Variants in ZNF570 observed in about 807,000 individuals in gnomAD.
ZNF570 encodes zinc finger protein 570.
A neutral mutation model predicts 14.2 loss-of-function variants in ZNF570; 8 were observed. The observed-to-expected ratio is 0.56, with a 90% CI of 0.33 to 1.02. ZNF570 has a LOEUF of 1.02. ZNF570 is among the 50% of genes least tolerant of loss of function. ZNF570 has a pLI of 0.03. For synonymous variants in ZNF570, 202 were observed against 207.6 expected (o/e 0.97, Z 0.23); for missense variants, 559 against 624.9 (o/e 0.89, Z 1.12).
chr19:37,470,646 C>A (rs2041942703), intron 2 of ZNF570, among the ~76,000 whole-genome samples: 1 of 151,704 alleles, frequency 6.6e-6, no homozygotes, highest in Non-Finnish European at 1.5e-5. Context: ...TCACTCAGTT[C>A]CAGCAACACT....
Position 37,485,572 on chromosome 19 carries a change from C to T in ZNF570, c.*339C>T, listed in dbSNP as rs537769694. The T allele has an allele frequency of 6.1e-5, 12 of 196,908 alleles. No homozygotes were observed. Among genetic ancestry groups the T allele is most frequent in the Admixed American group, 2.8e-4 (5 of 18,022 alleles). 12.2% of individuals were successfully genotyped at this position (196,908 alleles called of 1,614,324 possible). ...GAGTAGCTGGGACTATAGACATGCA[C>T]CACCATGCCTGGCTAATTTTTGTAT... On this transcript the variant is annotated 3_prime_UTR_variant, in exon 5 of 5. Coordinates refer to ENST00000330173, the MANE Select transcript of ZNF570 (RefSeq NM_144694.5).
chr19:37,467,988 C>T, upstream of ZNF570: 4 of 1,509,046 alleles, frequency 2.7e-6, no homozygotes, highest in Non-Finnish European at 3.6e-6. Context: ...GTAGTGTGGC[C>T]AGACCGCCTG....
chr19:37,470,658 G>C (rs919589958), intron 2 of ZNF570, among the ~76,000 whole-genome samples: 1 of 148,994 alleles, frequency 6.7e-6, no homozygotes, highest in South Asian at 2.1e-4. Context: ...AGCAACACTA[G>C]CTTCCTTGTA....
At chr19:37,472,774 G>A (rs939265874) in intron 2 of ZNF570, among the ~76,000 whole-genome samples, 1 of 150,338 alleles carries the variant, frequency 6.7e-6, no homozygotes, top group Non-Finnish European at 1.5e-5. Context: ...GGAAAGAAAT[G>A]GGTGGTAACT....
intron 2 of ZNF570, among the ~76,000 whole-genome samples, chr19:37,472,587 A>G (rs1430622704): frequency 4.6e-5 from 7 of 151,966 alleles, no homozygotes; most frequent in Non-Finnish European, 8.8e-5. Context: ...CTAAAAACAC[A>G]AAAAATTAAC....
intron 4 of ZNF570, among the ~76,000 whole-genome samples, chr19:37,480,864 C>T (rs2042079378): frequency 6.6e-6 from 1 of 151,412 alleles, no homozygotes; most frequent in South Asian, 2.1e-4. Context: ...GTGGGAGGGT[C>T]GCCTGAGCCC....
At position 37,469,462 on chromosome 19, in the gene ZNF570, AGTTCT is replaced by A; in HGVS notation, c.-140_-136del. 6.5e-7 allele frequency: 1 copy of A among 1,536,250 alleles called. No homozygotes were observed. ...CGGGGCAGGAAGGAGATCTTCCACC[AGTTCT>A]GTTCTGCAGGTCGGGAGTGGGCTGA... On this transcript the variant is annotated 5_prime_UTR_variant, in exon 1 of 5. Coordinates refer to ENST00000330173, the MANE Select transcript of ZNF570 (RefSeq NM_144694.5).
At position 37,475,991 on chromosome 19, in the gene ZNF570, G is replaced by T. The variant is rs764242045; in HGVS notation, c.144G>T (p.Arg48Ser). The change falls in exon 3 of 5, where the codon AGG (arginine) becomes AGT (serine). Residue 48 changes from arginine (R) to serine (S), a missense_variant. Coordinates refer to ENST00000330173, the MANE Select transcript of ZNF570 (RefSeq NM_144694.5). ...LYSNVMLENY[R>S]ILVSLGLCFS... ...GTAATGTGATGCTAGAGAACTACAG[G>T]ATCTTGGTATCACTGGGTAAGGATA... 8.7e-6 allele frequency: 14 copies of T among 1,611,512 alleles called. No individual in the cohort carries two copies. Among genetic ancestry groups the T allele is most frequent in the Non-Finnish European group, 1.1e-5 (13 of 1,179,078 alleles).
In ZNF570 at chr19:37,476,740, C is replaced by T. The variant is rs560314429; in HGVS notation, c.256+306C>T. 1.0e-4 allele frequency among the ~76,000 whole-genome samples: 13 copies of T among 125,978 alleles called. No homozygotes were observed. In the East Asian group the frequency reaches 2.6e-3, roughly 25 times the overall value. 82.6% of individuals were successfully genotyped at this position (125,978 alleles called of 152,430 possible). On this transcript the variant is annotated intron_variant, in intron 4 of 4. Coordinates refer to ENST00000330173, the MANE Select transcript of ZNF570 (RefSeq NM_144694.5). ...TTTTTTTTTTTTTGTGACAGAGTCT[C>T]GCTCTGTCACCCAGGCTGGAGTGCA...
intron 4 of ZNF570, among the ~76,000 whole-genome samples, chr19:37,478,082 T>G (rs2042047427): frequency 6.6e-6 from 1 of 152,208 alleles, no homozygotes. Flanking sequence ...ATATAAAGTT[T>G]AGGGTCAACT....
intron 4 of ZNF570, 141 bp from the exon 5 acceptor site, chr19:37,483,738 G>A (rs2147023029): frequency 2.6e-6 from 2 of 764,428 alleles, no homozygotes; most frequent in Middle Eastern, 3.9e-4. Flanking sequence ...TTCTCTTCTT[G>A]TACACTTCAG....
intron 2 of ZNF570, among the ~76,000 whole-genome samples, chr19:37,470,880 A>G (rs1197861535): frequency 6.7e-6 from 1 of 149,042 alleles, no homozygotes; most frequent in Non-Finnish European, 1.5e-5. Flanking sequence ...TTGTATTTTT[A>G]GTAGAGACGG....
At position 37,483,913 on chromosome 19, in the gene ZNF570, C is replaced by A. The variant is rs1201581722; in HGVS notation, c.291C>A (p.Thr97=). The A allele has an allele frequency of 6.2e-7, 1 of 1,612,324 alleles. No homozygotes were observed. Among genetic ancestry groups the A allele is most frequent in the Non-Finnish European group, 8.5e-7 (1 of 1,179,568 alleles). ...CTATATGTGAGACTGAAGAATTAAC[C>A]CCAAAGCAGGATTTTTATGAAGAAC... is the stretch of plus-strand genomic sequence containing the variant. ...WEPICETEEL[T]PKQDFYEEHQ... is the part of the protein sequence containing the mutation. Residue 97 remains threonine, a synonymous_variant, in exon 5 of 5, where the codon ACC becomes ACA. Transcript: ENST00000330173.
At position 37,487,028 on chromosome 19, in the gene ZNF570, C is replaced by A. The variant is rs2042161957; in HGVS notation, c.*1795C>A. On this transcript the variant is annotated 3_prime_UTR_variant, in exon 5 of 5. Transcript: ENST00000330173. ...ACCAGCCTGCCTAACATGGTGAAAC[C>A]CCATCTCTACTAAAAATATAACAGT... is the stretch of plus-strand genomic sequence containing the variant. 1.3e-5 allele frequency: 2 copies of A among 151,646 alleles called. No homozygotes were observed. The highest frequency in any genetic ancestry group is 2.1e-4 in the South Asian group (1 of 4,802). 9.4% of individuals were successfully genotyped at this position (151,646 alleles called of 1,614,324 possible). A position where few individuals can be genotyped will look rare whatever the true frequency, so the allele number is the denominator to read the frequency against.
rs1187955112 is a variant in ZNF570, at chr19:37,488,504, T to C, written c.*3271T>C. On this transcript the variant is annotated 3_prime_UTR_variant, in exon 5 of 5. Transcript: ENST00000330173. ...ATGCAAATGAAAATACCTTTAATTA[T>C]TCATTTCTTTTAAAAATAAGCAAAT... 1 of 152,196 alleles carries C rather than the reference T, an allele frequency of 6.6e-6. No individual in the cohort carries two copies. The highest frequency in any genetic ancestry group is 6.5e-5 in the Admixed American group (1 of 15,282). The allele number at this position is 152,196 out of a possible 1,614,324, so 9.4% of individuals were successfully genotyped here.
At chr19:37,473,340 GT>G (rs2041990030) in intron 2 of ZNF570, among the ~76,000 whole-genome samples, 2 of 152,154 alleles carry the variant, frequency 1.3e-5, no homozygotes, top group African/African-American at 4.8e-5. Flanking sequence ...AATGGCTGTG[GT>G]TTAACCAAGT....
chr19:37,483,654 C>T (rs746836327), intron 4 of ZNF570, among the ~76,000 whole-genome samples: 3 of 152,146 alleles, frequency 2.0e-5, no homozygotes, highest in Non-Finnish European at 4.4e-5. Context: ...ATTTCTTCTG[C>T]CCTGAGATTT....
intron 3 of ZNF570, 124 bp downstream of exon 3, chr19:37,476,131 T>G: frequency 7.1e-7 from 1 of 1,412,230 alleles, no homozygotes. Flanking sequence ...GCCAAACAAA[T>G]GGCTTAGTGT....
chr19:37,470,695 CTTTTT>C (rs760686313), intron 2 of ZNF570, among the ~76,000 whole-genome samples: 2 of 93,010 alleles, frequency 2.2e-5, no homozygotes, highest in African/African-American at 8.5e-5. Flanking sequence ...CTTATTTATT[CTTTTT>C]TTTTTTTTTT....
Sources: allele counts gnomAD v4.1 joint callset (sites outside exome capture counted in the v4.1 genomes callset), GRCh38; gene constraint gnomAD v4.1.1; transcripts MANE v1.5; gene names NCBI Gene and HGNC (gene_info 2026-07-23, HGNC 2026-07-21).